Variants in GPHN observed in about 807,000 individuals in gnomAD.
The protein encoded by GPHN is gephyrin.
A neutral mutation model predicts 95.5 loss-of-function variants in GPHN; 17 were observed. The ratio of observed to expected loss-of-function variants is 0.18; its 90% CI spans 0.12 to 0.27. The LOEUF (loss-of-function observed/expected upper bound fraction) is 0.27, where lower values mean the gene tolerates loss of function less well. GPHN is among the 10% of genes least tolerant of loss of function. The pLI is 1.00. For synonymous variants in GPHN, 320 were observed against 322.5 expected, an observed-to-expected ratio of 0.99 and a Z score of 0.08; for missense variants, 660 against 978.1, an observed-to-expected ratio of 0.67 and a Z score of 4.34.
chr14:67,669,669 C>G, the GPHN span, among the ~76,000 whole-genome samples: 1 of 152,160 alleles, frequency 6.6e-6, no homozygotes, highest in African/African-American at 2.4e-5. Context: ...ATCCACAACC[C>G]AAACTCTGCT....
At chr14:67,458,645 C>G in the GPHN span, among the ~76,000 whole-genome samples, 1 of 152,148 alleles carries the variant, frequency 6.6e-6, no homozygotes, top group African/African-American at 2.4e-5. Context: ...GAACCAGGTC[C>G]TGTTTAGTCT....
At chr14:67,163,675 G>A (rs1475440617) in intron 19 of GPHN, among the ~76,000 whole-genome samples, 1 of 152,110 alleles carries the variant, frequency 6.6e-6, no homozygotes, top group Non-Finnish European at 1.5e-5. Context: ...TAAAGAGTGA[G>A]AGATCTATTT....
the GPHN span, among the ~76,000 whole-genome samples, chr14:67,378,753 A>C: frequency 2.6e-5 from 4 of 152,166 alleles, no homozygotes; most frequent in Non-Finnish European, 5.9e-5. Flanking sequence ...TCATTCATGT[A>C]GGGACTGTCC....
At chr14:67,456,711 T>C in the GPHN span, among the ~76,000 whole-genome samples, 4 of 152,066 alleles carry the variant, frequency 2.6e-5, no homozygotes. Flanking sequence ...TTGTGGAAAG[T>C]AGTCTGACGA....
the GPHN span, chr14:67,660,043 A>C: frequency 4.0e-6 from 4 of 1,009,942 alleles, no homozygotes; most frequent in Non-Finnish European, 5.7e-6. Flanking sequence ...AAATAACCAT[A>C]TGCTCCATGA....
At chr14:66,796,805 G>A (rs760696271) in intron 3 of GPHN, among the ~76,000 whole-genome samples, 3 of 151,790 alleles carry the variant, frequency 2.0e-5, no homozygotes, top group Non-Finnish European at 2.9e-5. Flanking sequence ...CCTTTGCTGT[G>A]CAAAAGACAT....
chr14:66,945,006 G>C (rs2067659180), intron 8 of GPHN, among the ~76,000 whole-genome samples: 1 of 152,234 alleles, frequency 6.6e-6, no homozygotes. Flanking sequence ...AGGAGAAAGA[G>C]ACATAGAAGT....
chr14:67,532,667 A>G, the GPHN span, among the ~76,000 whole-genome samples: 1 of 152,316 alleles, frequency 6.6e-6, no homozygotes, highest in Admixed American at 6.5e-5. Flanking sequence ...AGCCTGGGCA[A>G]CATAGCGAGA....
the GPHN span, among the ~76,000 whole-genome samples, chr14:67,457,745 G>A: frequency 1.3e-5 from 2 of 152,252 alleles, no homozygotes; most frequent in African/African-American, 4.8e-5. Flanking sequence ...CAGTGAGGAT[G>A]ACATTGGTTC....
the GPHN span, chr14:67,585,740 C>T: frequency 5.3e-6 from 6 of 1,138,472 alleles, no homozygotes; most frequent in Non-Finnish European, 6.4e-6. Flanking sequence ...AAAGCCTGAA[C>T]CAAGTGACCA....
the GPHN span, among the ~76,000 whole-genome samples, chr14:67,190,486 G>A: frequency 3.3e-5 from 5 of 151,818 alleles, no homozygotes; most frequent in Admixed American, 3.3e-4. Context: ...GCCTCCCAAA[G>A]TTCTGGGATT....
intron 8 of GPHN, among the ~76,000 whole-genome samples, chr14:66,940,274 G>T (rs1254480526): frequency 1.3e-5 from 2 of 151,470 alleles, no homozygotes; most frequent in South Asian, 2.1e-4. Context: ...TTTTTCAGAG[G>T]AGTCCCAGTG....
chr14:67,203,052 A>T, the GPHN span: 2 of 1,585,222 alleles, frequency 1.3e-6, no homozygotes, highest in Non-Finnish European at 8.6e-7. Context: ...TCAAAGCCAC[A>T]CATTTCATCA....
At chr14:66,600,294 G>C (rs1053692591) in intron 1 of GPHN, among the ~76,000 whole-genome samples, 2 of 151,984 alleles carry the variant, frequency 1.3e-5, no homozygotes, top group African/African-American at 4.8e-5. Context: ...AGATGATCAA[G>C]TACCTACCAT....
intron 20 of GPHN, among the ~76,000 whole-genome samples, chr14:67,168,680 C>T (rs368995393): frequency 2.0e-5 from 3 of 152,056 alleles, no homozygotes; most frequent in African/African-American, 4.8e-5. Context: ...CTCAGGAAAG[C>T]GGAAATAAAT....
the GPHN span, chr14:67,269,936 T>C: frequency 6.6e-6 from 1 of 152,260 alleles, no homozygotes; most frequent in African/African-American, 2.4e-5. Flanking sequence ...CATTACTTGC[T>C]GGAGAAAGAG....
At chr14:66,634,478 C>G (rs1247862937) in intron 1 of GPHN, among the ~76,000 whole-genome samples, 1 of 152,140 alleles carries the variant, frequency 6.6e-6, no homozygotes, top group Admixed American at 6.5e-5. Context: ...GACTGATCCT[C>G]AGGCCTCTAG....
intron 4 of GPHN, among the ~76,000 whole-genome samples, chr14:66,848,165 T>C (rs1019034915): frequency 2.0e-5 from 3 of 152,020 alleles, no homozygotes; most frequent in Non-Finnish European, 2.9e-5. Flanking sequence ...ATGAAGAAAT[T>C]TAGTGTTTTT....
chr14:66,821,758 A>C (rs1312045603), intron 3 of GPHN, among the ~76,000 whole-genome samples: 1 of 152,216 alleles, frequency 6.6e-6, no homozygotes, highest in Admixed American at 6.5e-5. Context: ...TTTTGCTCAC[A>C]TGAAGTCTGC....
Sources: gnomAD v4.1 joint callset for allele counts (sites outside exome capture counted in the v4.1 genomes callset) on GRCh38, gnomAD v4.1.1 for gene constraint, MANE v1.5 for transcripts, NCBI Gene and HGNC (gene_info 2026-07-23, HGNC 2026-07-21) for gene names.